Variants in ZNF732 observed in about 807,000 individuals in gnomAD.
The protein encoded by ZNF732 is zinc finger protein LOC654254.
Under a neutral mutation model 11.5 loss-of-function variants are expected in ZNF732, and 12 were observed. That is an observed-to-expected ratio of 1.05 (90% CI 0.67 to 1.70). The LOEUF (loss-of-function observed/expected upper bound fraction) is 1.70. Ranked by LOEUF, ZNF732 falls within the 40% of genes most tolerant of loss-of-function variation. The pLI is 0.00. For synonymous variants in ZNF732, 231 were observed against 236.5 expected (o/e 0.98, Z 0.21); for missense variants, 702 against 676.9 (o/e 1.04, Z -0.41).
At chr4:296,231 G>A (rs1199212513) in intron 1 of ZNF732, 76 bp from the exon 2 acceptor site, 40 of 1,548,850 alleles carry the variant, frequency 2.6e-5, no homozygotes, top group Non-Finnish European at 1.6e-5. Context: ...AACTAGTTCT[G>A]ACATGTGACT....
At chr4:288,346 A>G (rs1306834798) in intron 3 of ZNF732, among the ~76,000 whole-genome samples, 3 of 152,176 alleles carry the variant, frequency 2.0e-5, no homozygotes, top group South Asian at 2.1e-4. Context: ...CTCTATTCCT[A>G]TATTTTCTTC....
At chr4:302,445 G>A (rs929417777) in intron 1 of ZNF732, among the ~76,000 whole-genome samples, 8 of 151,974 alleles carry the variant, frequency 5.3e-5, no homozygotes, top group African/African-American at 1.7e-4. Context: ...TGTCATATAC[G>A]GCTTATTGTA....
At chr4:276,505 C>G (rs1553838700) in intron 3 of ZNF732, among the ~76,000 whole-genome samples, 1 of 151,802 alleles carries the variant, frequency 6.6e-6, no homozygotes, top group Non-Finnish European at 1.5e-5. Context: ...ATATCTATAC[C>G]TAATTTGTTG....
In ZNF732 at chr4:271,812, G is replaced by C. The variant is rs1553837596; in HGVS notation, c.1045C>G (p.Leu349Val). 2 of 1,613,024 alleles carry C rather than the reference G, an allele frequency of 1.2e-6. No homozygotes were observed. Among genetic ancestry groups the C allele is most frequent in the Admixed American group, 1.7e-5 (1 of 59,910 alleles). The stretch of plus-strand genomic sequence containing the variant: ...GTATGAATTCTCTTATGTTCATTCA[G>C]AACTGAGGACCTACTAAAGGCTTTG... Reference protein sequence around the residue: ...CGKAFSRSSVLNEHKRIHTGE... With the variant: ...CGKAFSRSSVVNEHKRIHTGE... Residue 349 changes from leucine to valine, a missense_variant, in exon 4 of 4, where the codon CTG (leucine) becomes GTG (valine). Around this residue, in one of 3 missense-constraint regions of ZNF732, gnomAD observed 596 missense variants for 557.9 expected, o/e 1.07. Transcript: ENST00000419098.
chr4:286,575 T>C (rs998222592), intron 3 of ZNF732, among the ~76,000 whole-genome samples: 4 of 152,232 alleles, frequency 2.6e-5, no homozygotes, highest in African/African-American at 9.6e-5. Context: ...ATTCCACTTA[T>C]GTAAGATATC....
At position 270,901 on chromosome 4, in the gene ZNF732, T is replaced by A. The variant is rs905977436; in HGVS notation, c.*198A>T. ...CTTATGTTGATTCAGGTATGCGGACTGTTTGAAGGCTTTCCCACATTCTTT... is the reference window on the plus strand; with the variant it reads ...CTTATGTTGATTCAGGTATGCGGACAGTTTGAAGGCTTTCCCACATTCTTT... On this transcript the variant is annotated 3_prime_UTR_variant, in exon 4 of 4. Coordinates refer to ENST00000419098, the MANE Select transcript of ZNF732 (RefSeq NM_001137608.3). 1.4e-6 allele frequency: 1 copy of A among 713,064 alleles called. No individual in the cohort carries two copies. The highest frequency in any genetic ancestry group is 2.5e-6 in the Non-Finnish European group (1 of 393,824). 44.2% of individuals were successfully genotyped at this position (713,064 alleles called of 1,614,324 possible). A position where few individuals can be genotyped will look rare whatever the true frequency, so the allele number is the denominator to read the frequency against.
chr4:300,743 G>A (rs1300972666), intron 1 of ZNF732, among the ~76,000 whole-genome samples: 1 of 152,114 alleles, frequency 6.6e-6, no homozygotes, highest in Non-Finnish European at 1.5e-5. Flanking sequence ...AAGGGAGAAG[G>A]GAGTTGAAGT....
chr4:284,012 G>A lies in ZNF732; in HGVS notation c.227-11382C>T, dbSNP rs551110192. On this transcript the variant is annotated intron_variant, in intron 3 of 3. Coordinates refer to ENST00000419098, the MANE Select transcript of ZNF732 (RefSeq NM_001137608.3). ...TGCAAGTTCCGCCTCCAGGGTTCACGCCATTCTCCTGCCTCAGCCTCCTGA... is the reference window on the plus strand; with the variant it reads ...TGCAAGTTCCGCCTCCAGGGTTCACACCATTCTCCTGCCTCAGCCTCCTGA... 7.9e-5 allele frequency among the ~76,000 whole-genome samples: 12 copies of A among 152,148 alleles called. No individual in the cohort carries two copies. The South Asian group carries it at 1.7e-3, about 21-fold the overall frequency.
rs1581554466 is a variant in ZNF732, at chr4:305,424, T to C, written c.-114A>G. ...GAATCACCGACGCCTCCCTGAGGGG[T>C]GAAAGCACGGCCGTGGAGACCCTAA... On this transcript the variant is annotated 5_prime_UTR_variant, in exon 1 of 4. Transcript: ENST00000419098. 4 of 1,484,832 alleles carry C rather than the reference T, an allele frequency of 2.7e-6. No homozygotes were observed. Among genetic ancestry groups the C allele is most frequent in the South Asian group, 1.2e-5 (1 of 86,626 alleles). 92.0% of individuals were successfully genotyped at this position (1,484,832 alleles called of 1,614,324 possible).
In ZNF732 at chr4:299,441, A is replaced by ATATATATACACATATGTG. The variant is rs1720047753; in HGVS notation, c.4-3287_4-3286insCACATATGTGTATATATA. ...CACATATATACACATATGTGTATATATATATATATACACATATGTGTATAT... is the reference window on the plus strand; with the variant it reads ...CACATATATACACATATGTGTATATATATATATACACATATGTGTATATATATACACATATGTGTATAT... On this transcript the variant is annotated intron_variant, in intron 1 of 3. Coordinates refer to ENST00000419098, the MANE Select transcript of ZNF732 (RefSeq NM_001137608.3). 5.6e-5 allele frequency among the ~76,000 whole-genome samples: 3 copies of ATATATATACACATATGTG among 53,162 alleles called. No homozygotes were observed. In the Admixed American group the frequency reaches 6.9e-4, roughly 12 times the overall value. The allele number at this position is 53,162 out of a possible 152,430, so 34.9% of individuals were successfully genotyped here.
chr4:297,607 T>TAAAAAAAAAAAAAA (rs57681246), intron 1 of ZNF732, among the ~76,000 whole-genome samples: 1 of 101,016 alleles, frequency 9.9e-6, no homozygotes, highest in Non-Finnish European at 2.0e-5. Context: ...TTAAGATTTG[T>TAAAAAAAAAAAAAA]AAAAAAAAAA....
At chr4:297,978 G>T (rs1553842690) in intron 1 of ZNF732, among the ~76,000 whole-genome samples, 1 of 152,166 alleles carries the variant, frequency 6.6e-6, no homozygotes, top group Admixed American at 6.5e-5. Context: ...CTCCCCAAGA[G>T]AAATTTGATT....
intron 1 of ZNF732, among the ~76,000 whole-genome samples, chr4:302,227 T>G (rs1032644603): frequency 3.3e-5 from 5 of 152,128 alleles, no homozygotes; most frequent in Non-Finnish European, 7.4e-5. Context: ...GTGTATAATG[T>G]CTGGTGATTC....
intron 3 of ZNF732, among the ~76,000 whole-genome samples, chr4:280,021 ACAC>A (rs1295098984): frequency 6.6e-5 from 10 of 152,300 alleles, no homozygotes; most frequent in South Asian, 6.2e-4. Context: ...TTTGAATTAA[ACAC>A]CACATGGTCA....
chr4:275,842 G>C (rs539418592), intron 3 of ZNF732, among the ~76,000 whole-genome samples: 2 of 151,762 alleles, frequency 1.3e-5, no homozygotes, highest in East Asian at 3.9e-4. Flanking sequence ...ACTTACACGA[G>C]ATATCTAAAG....
In ZNF732 at chr4:299,468, T is replaced by TATATATACACACATATGTGTATATATAG. The variant is rs1720054698; in HGVS notation, c.4-3314_4-3313insCTATATATACACATATGTGTGTATATAT. On this transcript the variant is annotated intron_variant, in intron 1 of 3. Transcript: ENST00000419098. ...ATATATATACACATATGTGTATATATATATACACATATATACACATATGTG... is the reference window on the plus strand; with the variant it reads ...ATATATATACACATATGTGTATATATATATATACACACATATGTGTATATATAGATATACACATATATACACATATGTG... 1.8e-5 allele frequency among the ~76,000 whole-genome samples: 2 copies of TATATATACACACATATGTGTATATATAG among 109,840 alleles called. 1 individual carries two copies. Among genetic ancestry groups the TATATATACACACATATGTGTATATATAG allele is most frequent in the African/African-American group, 6.3e-5 (2 of 31,908 alleles). 72.1% of individuals were successfully genotyped at this position (109,840 alleles called of 152,430 possible).
intron 3 of ZNF732, among the ~76,000 whole-genome samples, chr4:279,086 T>G (rs958012398): frequency 5.3e-5 from 8 of 151,710 alleles, no homozygotes; most frequent in Non-Finnish European, 1.2e-4. Flanking sequence ...CACAGGACAA[T>G]CTTACAAAAA....
Position 272,429 on chromosome 4 carries a change from C to T in ZNF732, c.428G>A (p.Cys143Tyr). The T allele has an allele frequency of 6.3e-7, 1 of 1,598,010 alleles. No homozygotes were observed. The stretch of plus-strand genomic sequence containing the variant: ...ACTAAATACTTTGACATGTACATTA[C>T]ACTGAAATATTTTGCTCTGGATAGT... ...LSTIQSKIFQCNVHVKVFSTF... is the reference protein window; with the variant it reads ...LSTIQSKIFQYNVHVKVFSTF... The change falls in exon 4 of 4, where the codon TGT becomes TAT. Residue 143 changes from cysteine (C) to tyrosine (Y), a missense_variant. Physicochemically the swap from Cys to Tyr is radical, Grantham distance 194. This residue lies in a region of ZNF732 where 596 missense variants were observed against 557.9 expected (regional missense o/e 1.07). Transcript: ENST00000419098.
At chr4:298,547 T>A (rs2108660676) in intron 1 of ZNF732, among the ~76,000 whole-genome samples, 1 of 152,326 alleles carries the variant, frequency 6.6e-6, no homozygotes, top group South Asian at 2.1e-4. Flanking sequence ...TAGACCTTGC[T>A]GTCAGACTGA....
Sources: gnomAD v4.1 joint callset for allele counts (sites outside exome capture counted in the v4.1 genomes callset) on GRCh38, gnomAD v4.1.1 for gene constraint, gnomAD v4.1.1 regional missense constraint, MANE v1.5 for transcripts, NCBI Gene and HGNC (gene_info 2026-07-23, HGNC 2026-07-21) for gene names.